TUBB8B: variants seen among roughly 807,000 people sequenced by gnomAD.
TUBB8B encodes HSA18p11 beta-tubulin 4Q pseudogene.
Under a neutral mutation model 31.9 loss-of-function variants are expected in TUBB8B, and 26 were observed. The ratio of observed to expected loss-of-function variants is 0.81; its 90% CI spans 0.60 to 1.13. The LOEUF (loss-of-function observed/expected upper bound fraction) is 1.13. TUBB8B is among the 50% of genes most tolerant of loss of function. The pLI, the probability that TUBB8B is intolerant of heterozygous loss-of-function variation, is 0.00. For synonymous variants in TUBB8B, 173 were observed against 231.0 expected (o/e 0.75, Z 2.28); for missense variants, 467 against 586.7 (o/e 0.80, Z 2.11).
At chr18:54,460 A>T (rs1906220825), upstream of TUBB8B, among the ~76,000 whole-genome samples, 1 of 151,718 alleles carries the variant, frequency 6.6e-6, no homozygotes, top group Admixed American at 6.6e-5. Flanking sequence ...CTGTTGTGCT[A>T]TCAAATACTG....
At chr18:70,458 C>A in the TUBB8B span, among the ~76,000 whole-genome samples, 2 of 151,654 alleles carry the variant, frequency 1.3e-5, no homozygotes, top group Non-Finnish European at 2.9e-5. Context: ...CATGGTGAAA[C>A]CCCACCTCTA....
At chr18:70,200 C>G in the TUBB8B span, among the ~76,000 whole-genome samples, 1 of 152,158 alleles carries the variant, frequency 6.6e-6, no homozygotes, top group Non-Finnish European at 1.5e-5. Context: ...CTTATTGAAT[C>G]AAACTGGAAA....
the TUBB8B span, among the ~76,000 whole-genome samples, chr18:61,517 A>T: frequency 1.3e-5 from 2 of 151,132 alleles, no homozygotes; most frequent in Middle Eastern, 3.4e-3. Context: ...TTGTCCTCTC[A>T]TTGTTCTTTT....
chr18:49,878 T>C (rs944708761), upstream of TUBB8B: 4 of 529,320 alleles, frequency 7.6e-6, no homozygotes, highest in Non-Finnish European at 1.4e-5. Context: ...TGAATTTTCC[T>C]CCCATGTGGG....
chr18:65,954 G>A, the TUBB8B span, among the ~76,000 whole-genome samples: 1 of 152,268 alleles, frequency 6.6e-6, no homozygotes, highest in Admixed American at 6.5e-5. Flanking sequence ...CCAGACGGGG[G>A]GTGGTGGCTT....
chr18:47,367 C>G lies in TUBB8B; in HGVS notation c.*23G>C. 5.5e-6 allele frequency: 4 copies of G among 729,186 alleles called. No homozygotes were observed. The highest frequency in any genetic ancestry group is 9.4e-6 in the Non-Finnish European group (4 of 425,028). 45.2% of individuals were successfully genotyped at this position (729,186 alleles called of 1,614,324 possible). ...AGTAAAGAATCCACACTGCTTCCCC[C>G]CTTTACCTAGAAAAGGAGAGTTCTA... On this transcript the variant is annotated 3_prime_UTR_variant, in exon 4 of 4. Coordinates refer to ENST00000308911, the MANE Select transcript of TUBB8B (RefSeq NM_001358689.2).
At chr18:68,860 C>T in the TUBB8B span, among the ~76,000 whole-genome samples, 8 of 152,142 alleles carry the variant, frequency 5.3e-5, no homozygotes, top group Admixed American at 1.3e-4. Context: ...TCTTACGGGA[C>T]ACAGCAGCCT....
At chr18:48,609 G>T in intron 3 of TUBB8B, 162 bp from the exon 4 acceptor site, 1 of 700,814 alleles carries the variant, frequency 1.4e-6, no homozygotes, top group South Asian at 1.6e-5. Flanking sequence ...CAGGACAGCA[G>T]CTTCCCCTGT....
In TUBB8B at chr18:47,243, T is replaced by C; in HGVS notation, c.*147A>G. ...AACCAGATGCTGTGAGAATACTTTA[T>C]TAGTCAAAACCGCATACTATAAAAA... is the stretch of plus-strand genomic sequence containing the variant. On this transcript the variant is annotated 3_prime_UTR_variant, in exon 4 of 4. Coordinates refer to ENST00000308911, the MANE Select transcript of TUBB8B (RefSeq NM_001358689.2). 5.5e-6 allele frequency: 3 copies of C among 550,058 alleles called. No individual in the cohort carries two copies. The South Asian group carries it at 6.5e-5, about 12-fold the overall frequency. The allele number at this position is 550,058 out of a possible 1,614,324, so 34.1% of individuals were successfully genotyped here.
At chr18:55,654 C>A in the TUBB8B span, among the ~76,000 whole-genome samples, 1 of 151,784 alleles carries the variant, frequency 6.6e-6, no homozygotes, top group Non-Finnish European at 1.5e-5. Context: ...TCTACCAAGT[C>A]TCTCCCTCAA....
At chr18:55,080 TA>T in the TUBB8B span, among the ~76,000 whole-genome samples, 3 of 151,960 alleles carry the variant, frequency 2.0e-5, no homozygotes, top group African/African-American at 7.2e-5. Flanking sequence ...TGCACTGCTA[TA>T]AAAAAACTGA....
chr18:47,319 G>T lies in TUBB8B; in HGVS notation c.*71C>A. ...GAAGACACAAATTAACAAGCGTATA[G>T]TGACACATGGCTGTCAGAACACAGT... On this transcript the variant is annotated 3_prime_UTR_variant, in exon 4 of 4. Coordinates refer to ENST00000308911, the MANE Select transcript of TUBB8B (RefSeq NM_001358689.2). 4.9e-6 allele frequency: 3 copies of T among 611,060 alleles called. No homozygotes were observed. The highest frequency in any genetic ancestry group is 8.6e-6 in the Non-Finnish European group (3 of 348,950). 37.9% of individuals were successfully genotyped at this position (611,060 alleles called of 1,614,324 possible).
rs745533056 is a variant in TUBB8B at position 49,067 on chromosome 18, G to A, written c.167-17C>T. ...ACCTGCCACCTGCGTGGGGCGGGAGGGCATGAGCGAGGGGAGGGCCGCGTT... is the reference window on the plus strand; with the variant it reads ...ACCTGCCACCTGCGTGGGGCGGGAGAGCATGAGCGAGGGGAGGGCCGCGTT... On this transcript the variant is annotated splice_polypyrimidine_tract_variant and intron_variant, in intron 2 of 3. Coordinates refer to ENST00000308911, the MANE Select transcript of TUBB8B (RefSeq NM_001358689.2). 14 of 1,576,586 alleles carry A rather than the reference G, an allele frequency of 8.9e-6. No individual in the cohort carries two copies. In the East Asian group the frequency reaches 1.1e-4, roughly 13 times the overall value.
At chr18:73,005 G>T in the TUBB8B span, among the ~76,000 whole-genome samples, 19 of 152,168 alleles carry the variant, frequency 1.2e-4, no homozygotes, top group Admixed American at 3.3e-4. Flanking sequence ...CACTGATCCG[G>T]GGGTGCCTGT....
At chr18:67,720 C>T in the TUBB8B span, among the ~76,000 whole-genome samples, 1 of 152,218 alleles carries the variant, frequency 6.6e-6, no homozygotes, top group Admixed American at 6.5e-5. Flanking sequence ...GAAGAGGTAT[C>T]ATACTGGTAT....
the TUBB8B span, among the ~76,000 whole-genome samples, chr18:62,134 TC>T: frequency 1.3e-5 from 2 of 151,720 alleles, no homozygotes; most frequent in Admixed American, 6.6e-5. Context: ...TCTTTTTTTT[TC>T]CTTCAGCTTT....
At chr18:53,716 A>G (rs1258001377), upstream of TUBB8B, among the ~76,000 whole-genome samples, 1 of 151,808 alleles carries the variant, frequency 6.6e-6, no homozygotes, top group Non-Finnish European at 1.5e-5. Flanking sequence ...TGATCTGCCC[A>G]CCTTGGCCTC....
chr18:54,362 G>T (rs931750222), upstream of TUBB8B, among the ~76,000 whole-genome samples: 1 of 151,684 alleles, frequency 6.6e-6, no homozygotes, highest in African/African-American at 2.4e-5. Flanking sequence ...GTCCCCTCAA[G>T]CATTTATAGC....
chr18:57,868 C>T, the TUBB8B span, among the ~76,000 whole-genome samples: 3 of 151,942 alleles, frequency 2.0e-5, no homozygotes, highest in Admixed American at 6.6e-5. Flanking sequence ...ATTTTGTACA[C>T]TCACAGGCCT....
Sources: allele counts gnomAD v4.1 joint callset (sites outside exome capture counted in the v4.1 genomes callset), GRCh38; gene constraint gnomAD v4.1.1; transcripts MANE v1.5; gene names NCBI Gene and HGNC (gene_info 2026-07-23, HGNC 2026-07-21).